The following EPHA3 variants were observed in gnomAD, a reference collection of about 807,000 sequenced individuals.
The protein encoded by EPHA3 is ephrin type-A receptor 3.
A neutral mutation model predicts 107.1 loss-of-function variants in EPHA3; 42 were observed. That is an observed-to-expected ratio of 0.39 (90% CI 0.31 to 0.51). The LOEUF is 0.51. Ranked by LOEUF, EPHA3 falls within the 20% of genes least tolerant of loss-of-function variation. The pLI is 0.78. For missense variants in EPHA3, 1,183 were observed against 1,211.2 expected, an observed-to-expected ratio of 0.98 and a Z score of 0.35; for synonymous variants, 461 against 424.8, an observed-to-expected ratio of 1.09 and a Z score of -1.05.
intron 10 of EPHA3, among the ~76,000 whole-genome samples, chr3:89,414,224 T>C (rs1709205826): frequency 6.6e-6 from 1 of 151,628 alleles, no homozygotes; most frequent in Admixed American, 6.6e-5. Flanking sequence ...TACTGAAAAA[T>C]CAAGCAGTAG....
chr3:89,218,275 T>A (rs1704267282), intron 3 of EPHA3, among the ~76,000 whole-genome samples: 1 of 148,120 alleles, frequency 6.8e-6, no homozygotes, highest in South Asian at 2.2e-4. Flanking sequence ...TATCTCCTAA[T>A]GCTATCCCTC....
In EPHA3 at chr3:89,169,184, G is replaced by A. The variant is rs577892804; in HGVS notation, c.154-40676G>A. Reference sequence around the variant, plus strand: ...ATAAAATAATTTAAAAGTATAAAAAGATGAATTCACAGACAACCTTTGGCA... The same window carrying A: ...ATAAAATAATTTAAAAGTATAAAAAAATGAATTCACAGACAACCTTTGGCA... On this transcript the variant is annotated intron_variant, in intron 2 of 16. Transcript: ENST00000336596. Among the ~76,000 whole-genome samples the A allele has an allele frequency of 5.9e-5, 9 of 152,106 alleles. No homozygotes were observed. In the South Asian group the frequency reaches 1.9e-3, roughly 32 times the overall value.
chr3:89,233,445 T>C (rs1036524659), intron 3 of EPHA3, among the ~76,000 whole-genome samples: 4 of 152,208 alleles, frequency 2.6e-5, no homozygotes, highest in African/African-American at 9.6e-5. Context: ...TTGCCTTTGG[T>C]ACTGAGGCTA....
intron 1 of EPHA3, among the ~76,000 whole-genome samples, chr3:89,120,909 T>G (rs186686374): frequency 3.3e-5 from 5 of 152,064 alleles, no homozygotes; most frequent in Non-Finnish European, 1.5e-5. Flanking sequence ...TGACCAAAGG[T>G]TTTTCATAGC....
At chr3:89,448,946 C>A (rs2346836) in intron 13 of EPHA3, among the ~76,000 whole-genome samples, 34,018 of 151,660 alleles carry the variant, frequency 0.22, 4,127 homozygotes, top group Non-Finnish European at 0.25. Flanking sequence ...ATTAATTAAC[C>A]TGCCATAGTT....
At chr3:89,375,815 G>A (rs758132773) in intron 5 of EPHA3, among the ~76,000 whole-genome samples, 11 of 151,904 alleles carry the variant, frequency 7.2e-5, no homozygotes, top group Non-Finnish European at 1.6e-4. Context: ...AAGAGCTGTA[G>A]TACTTCAAAT....
chr3:89,191,911 T>C (rs1705724921), intron 2 of EPHA3, among the ~76,000 whole-genome samples: 1 of 152,146 alleles, frequency 6.6e-6, no homozygotes, highest in Admixed American at 6.6e-5. Flanking sequence ...CAATAAGATA[T>C]ATAATATAAA....
At chr3:89,381,785 C>T (rs114441961) in intron 5 of EPHA3, among the ~76,000 whole-genome samples, 7 of 152,284 alleles carry the variant, frequency 4.6e-5, no homozygotes, top group Non-Finnish European at 8.8e-5. Flanking sequence ...ATAGAGCTAC[C>T]TTGTCCTTCC....
intron 2 of EPHA3, among the ~76,000 whole-genome samples, chr3:89,209,252 T>C (rs1438029117): frequency 6.6e-6 from 1 of 152,174 alleles, no homozygotes; most frequent in African/African-American, 2.4e-5. Context: ...CACACATAAC[T>C]TGGTTTTATA....
intron 5 of EPHA3, among the ~76,000 whole-genome samples, chr3:89,344,440 T>G (rs1277086775): frequency 6.6e-6 from 1 of 152,204 alleles, no homozygotes; most frequent in Non-Finnish European, 1.5e-5. Context: ...CCACCAGGCA[T>G]TTTATATATT....
intron 7 of EPHA3, among the ~76,000 whole-genome samples, chr3:89,403,624 A>G (rs1441633281): frequency 6.6e-6 from 1 of 152,232 alleles, no homozygotes; most frequent in East Asian, 1.9e-4. Context: ...GGAAAAGCAG[A>G]TAGTCCAATT....
chr3:89,107,862 A>G (rs566593889), intron 1 of EPHA3, 26 bp downstream of exon 1: 1 of 1,607,774 alleles, frequency 6.2e-7, no homozygotes, highest in Non-Finnish European at 8.5e-7. Context: ...CGACGCACGG[A>G]GCTCTGCCCC....
At chr3:89,192,435 T>C (rs1705742012) in intron 2 of EPHA3, among the ~76,000 whole-genome samples, 2 of 151,836 alleles carry the variant, frequency 1.3e-5, no homozygotes, top group Admixed American at 6.6e-5. Flanking sequence ...ATAATAAATA[T>C]AAATAAAAGG....
intron 13 of EPHA3, among the ~76,000 whole-genome samples, chr3:89,432,819 G>A (rs1271567405): frequency 1.3e-5 from 2 of 151,830 alleles, no homozygotes; most frequent in African/African-American, 2.4e-5. Context: ...TCAACATACC[G>A]ATAATTTAGG....
intron 2 of EPHA3, among the ~76,000 whole-genome samples, chr3:89,178,748 T>A (rs917089918): frequency 2.4e-4 from 37 of 151,984 alleles, no homozygotes; most frequent in African/African-American, 8.9e-4. Flanking sequence ...GCATTTTGAG[T>A]CCATAACTTC....
intron 1 of EPHA3, among the ~76,000 whole-genome samples, chr3:89,126,079 C>T (rs1169976537): frequency 6.6e-6 from 1 of 151,630 alleles, no homozygotes; most frequent in Non-Finnish European, 1.5e-5. Context: ...TTATAAACAA[C>T]ATGAGAACAT....
At chr3:89,264,233 A>G (rs1314779695) in intron 3 of EPHA3, among the ~76,000 whole-genome samples, 2 of 152,182 alleles carry the variant, frequency 1.3e-5, no homozygotes, top group African/African-American at 4.8e-5. Context: ...CTTCCTAAAC[A>G]CAATGCTGGG....
At chr3:89,382,241 C>T (rs567215417) in intron 5 of EPHA3, among the ~76,000 whole-genome samples, 8 of 152,162 alleles carry the variant, frequency 5.3e-5, no homozygotes, top group African/African-American at 1.9e-4. Context: ...GGGGTGGTGG[C>T]TCACACATGT....
chr3:89,330,552 T>A (rs1350476286), intron 3 of EPHA3, among the ~76,000 whole-genome samples: 1 of 152,112 alleles, frequency 6.6e-6, no homozygotes, highest in Non-Finnish European at 1.5e-5. Flanking sequence ...GCTGAGTTAA[T>A]TCCTCAGAAT....
Sources: gnomAD v4.1 joint callset for allele counts (sites outside exome capture counted in the v4.1 genomes callset) on GRCh38, gnomAD v4.1.1 for gene constraint, MANE v1.5 for transcripts, NCBI Gene and HGNC (gene_info 2026-07-23, HGNC 2026-07-21) for gene names.